Variants in VWA3A observed in about 807,000 individuals in gnomAD.
VWA3A encodes the protein von Willebrand factor A domain-containing protein 3A.
VWA3A carries 134 observed loss-of-function variants against 160.4 expected under a neutral mutation model. That is an observed-to-expected ratio of 0.84 (90% confidence interval 0.73 to 0.96). The LOEUF (loss-of-function observed/expected upper bound fraction) is 0.96. Ranked by LOEUF, VWA3A falls within the 40% of genes least tolerant of loss-of-function variation. The pLI is 0.00. For synonymous variants in VWA3A, 476 were observed against 543.4 expected (o/e 0.88, Z 1.72); for missense variants, 1,310 against 1,447.9 (o/e 0.90, Z 1.55).
chr16:22,145,580 A>C (rs2046233890), intron 26 of VWA3A, among the ~76,000 whole-genome samples: 1 of 151,554 alleles, frequency 6.6e-6, no homozygotes. Flanking sequence ...CAGAGGCTGA[A>C]GTGAGCCGAG....
At chr16:22,103,718 G>T (rs562614475) in intron 6 of VWA3A, among the ~76,000 whole-genome samples, 189 bp downstream of exon 6, 6 of 152,172 alleles carry the variant, frequency 3.9e-5, no homozygotes, top group Non-Finnish European at 7.3e-5. Flanking sequence ...TCACCTCTAT[G>T]CCTGTGGGCT....
chr16:22,125,113 C>A (rs990679217), intron 16 of VWA3A, among the ~76,000 whole-genome samples: 1 of 151,654 alleles, frequency 6.6e-6, no homozygotes, highest in Admixed American at 6.6e-5. Context: ...CATAGTGGCT[C>A]ATTCCTGTAT....
chr16:22,113,959 T>G (rs1006557609), intron 8 of VWA3A, among the ~76,000 whole-genome samples: 2 of 152,140 alleles, frequency 1.3e-5, no homozygotes, highest in Admixed American at 6.5e-5. Context: ...ATGATTATAC[T>G]TCTATAATCA....
intron 3 of VWA3A, among the ~76,000 whole-genome samples, chr16:22,099,846 T>C (rs1243325116): frequency 6.6e-6 from 1 of 152,046 alleles, no homozygotes; most frequent in African/African-American, 2.4e-5. Flanking sequence ...AGGCCAAGGC[T>C]GGTGGATCAC....
intron 24 of VWA3A, among the ~76,000 whole-genome samples, 198 bp downstream of exon 24, chr16:22,141,890 T>A (rs953122065): frequency 6.6e-6 from 1 of 152,172 alleles, no homozygotes; most frequent in African/African-American, 2.4e-5. Flanking sequence ...AACCAGGGAA[T>A]GAGAGAAGTC....
At chr16:22,123,430 A>ACT (rs2045782384) in intron 15 of VWA3A, 183 bp from the exon 16 acceptor site, 1 of 1,527,962 alleles carries the variant, frequency 6.5e-7, no homozygotes, top group South Asian at 1.2e-5. Flanking sequence ...ATACCGTGTG[A>ACT]CTCTTCCCTT....
chr16:22,138,680 C>T (rs1000210271), intron 22 of VWA3A, 168 bp downstream of exon 22: 17 of 882,410 alleles, frequency 1.9e-5, no homozygotes, highest in Non-Finnish European at 2.2e-5. Flanking sequence ...AAATCTCCCG[C>T]GGGGGGCCGG....
rs550612539 is a variant in VWA3A, at chr16:22,130,874, A to T, written c.1653-331A>T. Among the ~76,000 whole-genome samples the T allele has an allele frequency of 4.9e-3, 747 of 152,036 alleles. 25 individuals are homozygous for T. Among genetic ancestry groups the T allele is most frequent in the Admixed American group, 0.044 (676 of 15,288 alleles). On this transcript the variant is annotated intron_variant, in intron 17 of 33. Coordinates refer to ENST00000389398, the MANE Select transcript of VWA3A (RefSeq NM_173615.5). ...TTGATTACATAGATGTGTATTTAAA[A>T]AAAAAAAACAAACTATAGTATGGAT...
intron 20 of VWA3A, among the ~76,000 whole-genome samples, chr16:22,133,899 G>C (rs1028564905): frequency 6.6e-6 from 1 of 152,150 alleles, no homozygotes; most frequent in Non-Finnish European, 1.5e-5. Flanking sequence ...ACATCCCTTA[G>C]ATTGTTTTTC....
chr16:22,132,022 G>C, intron 19 of VWA3A, among the ~76,000 whole-genome samples: 1 of 152,118 alleles, frequency 6.6e-6, no homozygotes, highest in East Asian at 1.9e-4. Flanking sequence ...CTTGAGCCCA[G>C]GTGCTCGAGA....
In VWA3A at chr16:22,123,651, G is replaced by T. The variant is rs1225498639; in HGVS notation, c.1476G>T (p.Arg492=). The stretch of plus-strand genomic sequence containing the variant: ...GAGCTATGCGGATGTATGAGAGGCG[G>T]ATTGAGTGGCTCTCCCTGGCCAGCA... The part of the protein sequence containing the change: ...LSRAMRMYER[R]IEWLSLASRR... Residue 492 remains arginine (R), a synonymous_variant, in exon 16 of 34, where the codon CGG becomes CGT. Transcript: ENST00000389398. 2 of 1,613,870 alleles carry T rather than the reference G, an allele frequency of 1.2e-6. No individual in the cohort carries two copies. The highest frequency in any genetic ancestry group is 1.7e-5 in the Admixed American group (1 of 60,002).
intron 17 of VWA3A, among the ~76,000 whole-genome samples, chr16:22,127,689 A>T (rs1054972872): frequency 4.6e-5 from 7 of 152,190 alleles, no homozygotes; most frequent in Non-Finnish European, 8.8e-5. Context: ...CCATTCATTC[A>T]TTCAGCAATG....
chr16:22,097,325 G>A (rs965243483), intron 2 of VWA3A, among the ~76,000 whole-genome samples: 7 of 151,418 alleles, frequency 4.6e-5, no homozygotes, highest in Non-Finnish European at 1.0e-4. Context: ...AGCTGAGGGT[G>A]AGACTGGGTA....
Position 22,119,003 on chromosome 16 carries a change from G to A in VWA3A, c.1092G>A (p.Glu364=). The part of the protein sequence containing the change: ...VQALQHSSPC[E]ALTCTMEEIS... ...CCCTGCAGCACAGCAGCCCCTGTGA[G>A]GCGCTCACCTGCACCATGGAGGAGG... Residue 364 remains glutamate, a synonymous_variant, in exon 12 of 34, where the codon GAG becomes GAA. Transcript: ENST00000389398. The A allele has an allele frequency of 2.5e-6, 4 of 1,613,256 alleles. 1 individual carries two copies. Among genetic ancestry groups the A allele is most frequent in the Non-Finnish European group, 1.7e-6 (2 of 1,179,528 alleles).
intron 17 of VWA3A, among the ~76,000 whole-genome samples, chr16:22,130,130 T>C (rs1321515241): frequency 1.3e-5 from 2 of 152,122 alleles, no homozygotes; most frequent in Non-Finnish European, 2.9e-5. Flanking sequence ...TATCCAACGA[T>C]AATAGGGATA....
At chr16:22,107,246 G>A (rs2045494995) in intron 6 of VWA3A, among the ~76,000 whole-genome samples, 1 of 152,200 alleles carries the variant, frequency 6.6e-6, no homozygotes, top group African/African-American at 2.4e-5. Context: ...AATGTCTGGA[G>A]ACATTTTAGG....
chr16:22,134,445 C>T lies in VWA3A; in HGVS notation c.2139+7C>T, dbSNP rs751874886. On this transcript the variant is annotated splice_region_variant and intron_variant, in intron 21 of 33. Coordinates refer to ENST00000389398, the MANE Select transcript of VWA3A (RefSeq NM_173615.5). ...TCTCAACTACTCCCAAAAGGTATGC[C>T]CTGGGCATGGGCCAATGACTGCACT... 6 of 1,584,098 alleles carry T rather than the reference C, an allele frequency of 3.8e-6. No homozygotes were observed. The highest frequency in any genetic ancestry group is 5.2e-6 in the Non-Finnish European group (6 of 1,164,292).
At chr16:22,131,797 C>G (rs912457455) in intron 19 of VWA3A, 68 bp downstream of exon 19, 11 of 1,534,906 alleles carry the variant, frequency 7.2e-6, no homozygotes, top group Non-Finnish European at 8.8e-6. Context: ...CAGGTGGATA[C>G]CTTGCCAAGG....
chr16:22,121,232 G>A (rs973630967), intron 13 of VWA3A, 129 bp downstream of exon 13: 2 of 1,419,152 alleles, frequency 1.4e-6, no homozygotes, highest in South Asian at 1.3e-5. Context: ...GATCAGTTGA[G>A]GCCAGGGATA....
Sources: gnomAD v4.1 joint callset for allele counts (sites outside exome capture counted in the v4.1 genomes callset) on GRCh38, gnomAD v4.1.1 for gene constraint, MANE v1.5 for transcripts, NCBI Gene and HGNC (gene_info 2026-07-23, HGNC 2026-07-21) for gene names.